The following TOM1 variants were observed in gnomAD, a reference collection of about 807,000 sequenced individuals.
The protein encoded by TOM1 is target of myb1 membrane trafficking protein.
In TOM1, 38 loss-of-function variants were observed where a neutral mutation model predicts 61.3. The ratio of observed to expected loss-of-function variants is 0.62; its 90% CI spans 0.48 to 0.81. TOM1 has a LOEUF of 0.81. Ranked by LOEUF, TOM1 falls within the 40% of genes least tolerant of loss-of-function variation. TOM1 has a pLI of 0.00. For missense variants in TOM1, 591 were observed against 659.6 expected, an observed-to-expected ratio of 0.90 and a Z score of 1.14; for synonymous variants, 270 against 268.8, an observed-to-expected ratio of 1.00 and a Z score of -0.04.
At chr22:35,329,117 G>T (rs747645107) in intron 7 of TOM1, among the ~76,000 whole-genome samples, 1 of 152,150 alleles carries the variant, frequency 6.6e-6, no homozygotes, top group South Asian at 2.1e-4. Flanking sequence ...CACCATGCCC[G>T]GCTAATTTTT....
chr22:35,331,842 C>T (rs1407035844), intron 8 of TOM1, among the ~76,000 whole-genome samples: 2 of 151,730 alleles, frequency 1.3e-5, no homozygotes, highest in South Asian at 2.1e-4. Flanking sequence ...GAGCCGAGAT[C>T]GCACCACTGC....
chr22:35,337,649 C>A (rs1929487450), intron 11 of TOM1, among the ~76,000 whole-genome samples: 1 of 152,244 alleles, frequency 6.6e-6, no homozygotes, highest in Non-Finnish European at 1.5e-5. Context: ...CCTCAGAAAG[C>A]AAGCTGGTAT....
intron 12 of TOM1, among the ~76,000 whole-genome samples, chr22:35,341,623 C>G (rs1929889372): frequency 6.6e-6 from 1 of 152,130 alleles, no homozygotes; most frequent in Non-Finnish European, 1.5e-5. Flanking sequence ...GGCAGCAATC[C>G]CAGCCAATCT....
At chr22:35,309,298 T>G (rs1397589703) in intron 1 of TOM1, among the ~76,000 whole-genome samples, 1 of 152,100 alleles carries the variant, frequency 6.6e-6, no homozygotes, top group Admixed American at 6.5e-5. Context: ...GCAGGATTTG[T>G]CTGTGTCTGC....
chr22:35,330,060 G>A (rs538314000), intron 7 of TOM1, among the ~76,000 whole-genome samples: 7 of 151,998 alleles, frequency 4.6e-5, no homozygotes, highest in Admixed American at 1.3e-4. Context: ...CAGGCAGATC[G>A]TGAGGTCAGG....
rs1929100790 is a variant in TOM1, at chr22:35,334,343, G to A, written c.1043G>A (p.Ser348Asn). 6.2e-7 allele frequency: 1 copy of A among 1,613,972 alleles called. No homozygotes were observed. Among genetic ancestry groups the A allele is most frequent in the Admixed American group, 1.7e-5 (1 of 59,988 alleles). Residue 348 changes from serine (S) to asparagine (N), a missense_variant, in exon 11 of 15, where the codon AGT (serine) becomes AAT (asparagine). Ser to Asn is a conservative substitution (Grantham distance 46). Transcript: ENST00000449058. ...QLAGMNLGSS[S>N]VRAGLQSLEA... ...GTCCCTGCAGACCTGGGCTCCAGCA[G>A]TGTGAGAGCTGGCCTGCAGTCTCTG...
At chr22:35,310,588 G>A (rs1926738274) in intron 1 of TOM1, among the ~76,000 whole-genome samples, 1 of 152,360 alleles carries the variant, frequency 6.6e-6, no homozygotes, top group South Asian at 2.1e-4. Context: ...CAAGTTGGAA[G>A]AAGGATTAGG....
chr22:35,302,576 C>T (rs751194351), intron 1 of TOM1, among the ~76,000 whole-genome samples: 2 of 152,112 alleles, frequency 1.3e-5, no homozygotes, highest in African/African-American at 2.4e-5. Flanking sequence ...AGGTGACCCA[C>T]CCACCTCAGC....
chr22:35,300,261 G>A (rs1426270715), intron 1 of TOM1, among the ~76,000 whole-genome samples: 3 of 152,276 alleles, frequency 2.0e-5, no homozygotes, highest in African/African-American at 7.2e-5. Context: ...GTCTGCTGGG[G>A]TCCCCAATCG....
rs58398866 is a variant in TOM1 at position 35,302,056 on chromosome 22, C to T, written c.52+2076C>T. Among the ~76,000 whole-genome samples the T allele has an allele frequency of 9.5e-3, 1,453 of 152,350 alleles. 16 individuals carry two copies. The highest frequency in any genetic ancestry group is 0.033 in the African/African-American group (1,364 of 41,576). ...GATTTCAGCTAATCAAAGCAAACTT[C>T]TCTTCTTACCTTGAAGCGTTGCCTT... On this transcript the variant is annotated intron_variant, in intron 1 of 14. Transcript: ENST00000449058.
upstream of TOM1, chr22:35,299,852 C>A: frequency 6.0e-6 from 9 of 1,509,532 alleles, no homozygotes; most frequent in Non-Finnish European, 8.1e-6. Flanking sequence ...CCTCCGAGTG[C>A]GTCACGTGAC....
At chr22:35,304,714 A>G (rs1363984006) in intron 1 of TOM1, among the ~76,000 whole-genome samples, 2 of 152,108 alleles carry the variant, frequency 1.3e-5, no homozygotes, top group Non-Finnish European at 2.9e-5. Flanking sequence ...TCCTGACCTC[A>G]TGAACCACCC....
intron 6 of TOM1, among the ~76,000 whole-genome samples, chr22:35,326,861 C>A (rs1232566994): frequency 6.6e-6 from 1 of 152,034 alleles, no homozygotes; most frequent in East Asian, 1.9e-4. Flanking sequence ...GAATCCCAGT[C>A]CTCTAGGAGG....
At position 35,323,258 on chromosome 22, in the gene TOM1, A is replaced by G. The variant is rs571838715; in HGVS notation, c.366+81A>G. On this transcript the variant is annotated intron_variant, in intron 4 of 14. Coordinates refer to ENST00000449058, the MANE Select transcript of TOM1 (RefSeq NM_005488.3). The surrounding 1 kb of genome is among the most constrained non-coding windows in gnomAD (Gnocchi z 4.2). ...TCCTGCCCAGTGGAGAGTCGAGGCC[A>G]TCGTGTTTGTCCCAGGCTCCGCTTC... 116 of 1,545,534 alleles carry G rather than the reference A, an allele frequency of 7.5e-5. No homozygotes were observed. In the African/African-American group the frequency reaches 1.4e-3, roughly 18 times the overall value.
At chr22:35,300,349 G>C (rs1312848384) in intron 1 of TOM1, among the ~76,000 whole-genome samples, 1 of 152,230 alleles carries the variant, frequency 6.6e-6, no homozygotes, top group Non-Finnish European at 1.5e-5. Flanking sequence ...CGCCGCCTGG[G>C]CTCTGGCCAG....
At chr22:35,318,444 C>G (rs991789328) in intron 2 of TOM1, 11 of 165,026 alleles carry the variant, frequency 6.7e-5, no homozygotes, top group African/African-American at 2.1e-4. Context: ...GAAGCTGAAC[C>G]GTGAGCCTGA....
rs1162802557 is a variant in TOM1 at position 35,323,620 on chromosome 22, C to T, written c.491C>T (p.Thr164Ile). 5 of 1,614,190 alleles carry T rather than the reference C, an allele frequency of 3.1e-6. No individual in the cohort carries two copies. Among genetic ancestry groups the T allele is most frequent in the Non-Finnish European group, 4.2e-6 (5 of 1,180,030 alleles). Reference sequence around the variant, plus strand: ...CTGGACATGCTGTCACCCATCCACACACCCCAGAGGGTGAGAGAACTGCCG... The same window carrying T: ...CTGGACATGCTGTCACCCATCCACATACCCCAGAGGGTGAGAGAACTGCCG... ...TDLDMLSPIH[T>I]PQRTVFNSET... is the part of the protein sequence containing the mutation. The change falls in exon 5 of 15, where the codon ACA (threonine) becomes ATA (isoleucine). Residue 164 changes from threonine to isoleucine, a missense_variant. By Grantham distance (89) the Thr-to-Ile change is moderately conservative (BLOSUM62 -1). Transcript: ENST00000449058. This position sits in a 1 kb window ranked among gnomAD's most constrained non-coding sequence, Gnocchi z 4.2.
intron 1 of TOM1, among the ~76,000 whole-genome samples, chr22:35,300,742 C>G (rs565848221): frequency 6.6e-6 from 1 of 152,320 alleles, no homozygotes; most frequent in South Asian, 2.1e-4. Flanking sequence ...AGGATACTCA[C>G]AGTTCTGTGA....
intron 11 of TOM1, among the ~76,000 whole-genome samples, chr22:35,337,639 C>G (rs1376698752): frequency 1.3e-5 from 2 of 152,250 alleles, no homozygotes; most frequent in African/African-American, 4.8e-5. Flanking sequence ...CTACTCCATT[C>G]CTCAGAAAGC....
Sources: allele counts gnomAD v4.1 joint callset (sites outside exome capture counted in the v4.1 genomes callset), GRCh38; gene constraint gnomAD v4.1.1; non-coding constraint Gnocchi (gnomAD v3.1); transcripts MANE v1.5; gene names NCBI Gene and HGNC (gene_info 2026-07-23, HGNC 2026-07-21).